Variants in SLA observed in about 807,000 individuals in gnomAD.
SLA encodes src-like-adapter.
A neutral mutation model predicts 30.3 loss-of-function variants in SLA; 16 were observed. That is an observed-to-expected ratio of 0.53 (90% CI 0.36 to 0.80). The LOEUF (loss-of-function observed/expected upper bound fraction) is 0.80. SLA is among the 30% of genes least tolerant of loss of function. The probability of loss-of-function intolerance (pLI) is 0.01; values close to 1 mark genes in which losing one functional copy is unlikely to be tolerated. For missense variants in SLA, 310 were observed against 345.2 expected (o/e 0.90, Z 0.81); for synonymous variants, 143 against 137.8 (o/e 1.04, Z -0.26).
At chr8:133,063,170 C>G (rs1400308013) in intron 2 of SLA, among the ~76,000 whole-genome samples, 1 of 151,188 alleles carries the variant, frequency 6.6e-6, no homozygotes, top group African/African-American at 2.5e-5. Flanking sequence ...CCTTCCTGTC[C>G]TTTCAGCCTG....
At chr8:133,048,223 T>C (rs1228457266) in intron 5 of SLA, among the ~76,000 whole-genome samples, 1 of 152,170 alleles carries the variant, frequency 6.6e-6, no homozygotes, top group African/African-American at 2.4e-5. Context: ...CTTTTATTTA[T>C]GTAATTTTTT....
intron 2 of SLA, among the ~76,000 whole-genome samples, chr8:133,067,809 A>G (rs529463483): frequency 0.012 from 1,825 of 150,050 alleles, 22 homozygotes; most frequent in South Asian, 0.029. Context: ...AGAAAGAAAG[A>G]AAGGAAGGAA....
At chr8:133,068,051 C>T (rs1223190659) in intron 2 of SLA, among the ~76,000 whole-genome samples, 21 of 152,204 alleles carry the variant, frequency 1.4e-4, no homozygotes, top group Non-Finnish European at 2.9e-4. Flanking sequence ...AGCATCTCAT[C>T]CCTCTACTAC....
intron 3 of SLA, among the ~76,000 whole-genome samples, chr8:133,053,834 G>A (rs540823569): frequency 7.9e-5 from 12 of 152,304 alleles, no homozygotes; most frequent in Admixed American, 3.3e-4. Flanking sequence ...TGGAATTTCC[G>A]TAATAGTGAT....
chr8:133,058,818 G>T (rs1841929770), intron 3 of SLA, among the ~76,000 whole-genome samples: 1 of 152,202 alleles, frequency 6.6e-6, no homozygotes, highest in Non-Finnish European at 1.5e-5. Flanking sequence ...TGGTCCTGGG[G>T]AATATTCTTT....
intron 1 of SLA, among the ~76,000 whole-genome samples, chr8:133,094,242 C>CTTTTT (rs765931953): frequency 7.9e-6 from 1 of 126,572 alleles, no homozygotes; most frequent in Non-Finnish European, 1.6e-5. Context: ...CTGTCGTTTT[C>CTTTTT]TTTTTTTTTT....
intron 2 of SLA, chr8:133,064,074 T>G (rs1842755504): frequency 6.6e-6 from 1 of 152,240 alleles, no homozygotes; most frequent in Admixed American, 6.5e-5. Flanking sequence ...GGTGTGACTC[T>G]TAGGTTTCTG....
rs2131050055 is a variant in SLA, at chr8:133,038,584, C to A, written c.771G>T (p.Met257Ile). The A allele has an allele frequency of 6.2e-7, 1 of 1,614,150 alleles. No individual in the cohort carries two copies. Residue 257 changes from methionine to isoleucine, a missense_variant, in exon 9 of 9, where the codon ATG becomes ATT. Physicochemically the swap from Met to Ile is conservative, Grantham distance 10. Coordinates refer to ENST00000338087, the MANE Select transcript of SLA (RefSeq NM_001045556.3). ...AGCTCTTTCTCTTGCTGCCACCATA[C>A]ATCAGGGAGATGCTTTTCTTCTTTC... ...FDRKKKSISLMYGGSKRKSSF... is the reference protein window; with the variant it reads ...FDRKKKSISLIYGGSKRKSSF...
intron 1 of SLA, chr8:133,096,465 A>C: frequency 6.7e-7 from 1 of 1,483,490 alleles, no homozygotes; most frequent in Non-Finnish European, 9.4e-7. Context: ...GATATTGACC[A>C]ATTGCTGAGT....
intron 1 of SLA, among the ~76,000 whole-genome samples, chr8:133,091,969 G>T (rs1053373557): frequency 6.6e-6 from 1 of 152,004 alleles, no homozygotes; most frequent in Non-Finnish European, 1.5e-5. Context: ...GTCTGTGCAC[G>T]TAAGCATATG....
intron 1 of SLA, among the ~76,000 whole-genome samples, chr8:133,096,009 G>T (rs1033675504): frequency 1.3e-5 from 2 of 152,198 alleles, no homozygotes; most frequent in Non-Finnish European, 1.5e-5. Flanking sequence ...CATCATTGCT[G>T]AGAGTGAGAT....
intron 2 of SLA, among the ~76,000 whole-genome samples, chr8:133,072,430 AG>A (rs1268260599): frequency 6.6e-6 from 1 of 152,180 alleles, no homozygotes; most frequent in Admixed American, 6.5e-5. Flanking sequence ...GCAGGAAGAG[AG>A]GGATAGATGG....
At chr8:133,100,869 G>A (rs78296236) in intron 1 of SLA, among the ~76,000 whole-genome samples, 1 of 152,282 alleles carries the variant, frequency 6.6e-6, no homozygotes, top group East Asian at 1.9e-4. Flanking sequence ...AGCCTTAGGG[G>A]TTAGCCTAAG....
chr8:133,083,327 A>G (rs559431636), intron 1 of SLA, among the ~76,000 whole-genome samples: 14 of 152,332 alleles, frequency 9.2e-5, no homozygotes, highest in African/African-American at 3.1e-4. Context: ...AACAATTGCT[A>G]CCACTATTTA....
At chr8:133,099,313 A>G (rs1215386942) in intron 1 of SLA, among the ~76,000 whole-genome samples, 1 of 152,218 alleles carries the variant, frequency 6.6e-6, no homozygotes, top group Non-Finnish European at 1.5e-5. Flanking sequence ...CCCTTGGGAC[A>G]CGCATTAGTG....
intron 1 of SLA, chr8:133,095,072 T>A: frequency 6.2e-7 from 1 of 1,613,970 alleles, no homozygotes; most frequent in Non-Finnish European, 8.5e-7. Flanking sequence ...CCGGCCGCCG[T>A]CATCAGCCAT....
chr8:133,068,763 T>C (rs1387370243), intron 2 of SLA, among the ~76,000 whole-genome samples: 1 of 152,206 alleles, frequency 6.6e-6, no homozygotes, highest in Non-Finnish European at 1.5e-5. Flanking sequence ...GACGTGGCTT[T>C]GATAGTTCAT....
At chr8:133,064,487 T>C (rs1711761559) in intron 2 of SLA, among the ~76,000 whole-genome samples, 1 of 152,200 alleles carries the variant, frequency 6.6e-6, no homozygotes, top group African/African-American at 2.4e-5. Flanking sequence ...CAGGGGTTAG[T>C]CACCTGCCCA....
chr8:133,092,297 C>G (rs941471284), intron 1 of SLA, among the ~76,000 whole-genome samples: 1 of 152,188 alleles, frequency 6.6e-6, no homozygotes, highest in African/African-American at 2.4e-5. Context: ...TTACCATGTT[C>G]GGAGGCCCGA....
Sources: gnomAD v4.1 joint callset for allele counts (sites outside exome capture counted in the v4.1 genomes callset) on GRCh38, gnomAD v4.1.1 for gene constraint, MANE v1.5 for transcripts, NCBI Gene and HGNC (gene_info 2026-07-23, HGNC 2026-07-21) for gene names.